Variants in DNAH6 observed in about 807,000 individuals in gnomAD.
The protein encoded by DNAH6 is axonemal beta dynein heavy chain 6.
Under a neutral mutation model 491.4 loss-of-function variants are expected in DNAH6, and 340 were observed. The observed-to-expected ratio is 0.69, with a 90% confidence interval of 0.63 to 0.76. The LOEUF (loss-of-function observed/expected upper bound fraction) is 0.76. Among genes scored for constraint, DNAH6 ranks in the 30% least tolerant of loss-of-function variants. The pLI is 0.00. For missense variants in DNAH6, 4,443 were observed against 4,972.2 expected, an observed-to-expected ratio of 0.89 and a Z score of 3.20; for synonymous variants, 1,603 against 1,686.1, an observed-to-expected ratio of 0.95 and a Z score of 1.21.
intron 48 of DNAH6, 137 bp downstream of exon 48, chr2:84,699,871 G>T: frequency 1.2e-6 from 1 of 805,614 alleles, no homozygotes; most frequent in South Asian, 2.7e-5. Flanking sequence ...TATAGAGAAT[G>T]ACCGTGACAA....
chr2:84,784,895 A>C, intron 66 of DNAH6, 85 bp downstream of exon 66: 3 of 955,620 alleles, frequency 3.1e-6, no homozygotes, highest in Non-Finnish European at 4.8e-6. Flanking sequence ...CAGAGCCTGC[A>C]CAGAAGCATG....
At chr2:84,641,847 G>A in intron 32 of DNAH6, 100 bp from the exon 33 acceptor site, 1 of 874,656 alleles carries the variant, frequency 1.1e-6, no homozygotes, top group Non-Finnish European at 1.7e-6. Context: ...CTTCTAACAG[G>A]AATCCTCAGG....
At position 84,693,667 on chromosome 2, in the gene DNAH6, C is replaced by T. The variant is rs145592664; in HGVS notation, c.7293-582C>T. Among the ~76,000 whole-genome samples, 141 of 146,466 alleles carry T rather than the reference C, an allele frequency of 9.6e-4. 2 individuals carry two copies. In the East Asian group the frequency reaches 0.027, roughly 28 times the overall value. ...CTGAGGCAGGCGTGAACCCAGGAGGCGGAGGTTGCAGCGAGCCGAGATCAC... is the reference window on the plus strand; with the variant it reads ...CTGAGGCAGGCGTGAACCCAGGAGGTGGAGGTTGCAGCGAGCCGAGATCAC... On this transcript the variant is annotated intron_variant, in intron 45 of 76. Coordinates refer to ENST00000389394, the MANE Select transcript of DNAH6 (RefSeq NM_001370.2).
chr2:84,611,925 T>A, intron 22 of DNAH6, 71 bp downstream of exon 22: 1 of 1,346,672 alleles, frequency 7.4e-7, no homozygotes, highest in Non-Finnish European at 1.0e-6. Flanking sequence ...AGTCCCAGAC[T>A]AAAATGTTTC....
the DNAH6 span, among the ~76,000 whole-genome samples, chr2:84,479,898 C>T: frequency 6.6e-6 from 1 of 152,254 alleles, no homozygotes; most frequent in Non-Finnish European, 1.5e-5. Context: ...TCTTCTTCAG[C>T]ATTTTCGTGG....
At chr2:84,726,658 G>A (rs575694286) in intron 60 of DNAH6, among the ~76,000 whole-genome samples, 1 of 151,980 alleles carries the variant, frequency 6.6e-6, no homozygotes, top group Admixed American at 6.6e-5. Context: ...AGCATTAGGA[G>A]ATATACCTAA....
intron 22 of DNAH6, among the ~76,000 whole-genome samples, chr2:84,614,382 G>A (rs1686630312): frequency 1.3e-5 from 2 of 151,870 alleles, no homozygotes; most frequent in African/African-American, 2.4e-5. Context: ...TTTTATGGCT[G>A]AGGTAGTATA....
rs182339006 is a variant in DNAH6, at chr2:84,665,477, C to T, written c.6085-3812C>T. On this transcript the variant is annotated intron_variant, in intron 37 of 76. Coordinates refer to ENST00000389394, the MANE Select transcript of DNAH6 (RefSeq NM_001370.2). ...TCAGAGAATACTATAAACACCTCTACACAAATAAACTAGAAGATCTAGAAG... is the reference window on the plus strand; with the variant it reads ...TCAGAGAATACTATAAACACCTCTATACAAATAAACTAGAAGATCTAGAAG... Among the ~76,000 whole-genome samples the T allele has an allele frequency of 2.5e-3, 381 of 152,236 alleles. 2 individuals carry two copies. The highest frequency in any genetic ancestry group is 3.2e-3 in the Non-Finnish European group (216 of 68,006).
intron 18 of DNAH6, among the ~76,000 whole-genome samples, chr2:84,596,788 C>T (rs80060267): frequency 0.041 from 6,164 of 152,114 alleles, 402 homozygotes; most frequent in African/African-American, 0.14. Context: ...CTTACAATAT[C>T]TAGTCAAAAC....
At chr2:84,772,310 A>G (rs1355362176) in intron 64 of DNAH6, among the ~76,000 whole-genome samples, 1 of 152,124 alleles carries the variant, frequency 6.6e-6, no homozygotes, top group Non-Finnish European at 1.5e-5. Context: ...AGGATATGAC[A>G]TGTAAAAAAA....
intron 49 of DNAH6, among the ~76,000 whole-genome samples, chr2:84,701,877 T>C (rs1695934926): frequency 6.6e-6 from 1 of 152,198 alleles, no homozygotes; most frequent in Non-Finnish European, 1.5e-5. Context: ...CATCATGACA[T>C]GTGCCCCTGA....
chr2:84,602,413 G>C (rs1199981401), intron 18 of DNAH6, among the ~76,000 whole-genome samples: 1 of 130,946 alleles, frequency 7.6e-6, no homozygotes, highest in East Asian at 2.3e-4. Flanking sequence ...TTCTTTTCTT[G>C]TTTGCATGAT....
At chr2:84,627,161 T>C (rs969294507) in intron 29 of DNAH6, among the ~76,000 whole-genome samples, 2 of 152,168 alleles carry the variant, frequency 1.3e-5, no homozygotes, top group African/African-American at 4.8e-5. Flanking sequence ...ACCTACTTAA[T>C]CAGAACTTTG....
In DNAH6 at chr2:84,524,210, C is replaced by CT. The variant is rs879620747; in HGVS notation, c.226-1343dup. Among the ~76,000 whole-genome samples, 294 of 142,022 alleles carry CT rather than the reference C, an allele frequency of 2.1e-3. 2 individuals are homozygous for CT. The highest frequency in any genetic ancestry group is 7.1e-3 in the Middle Eastern group (2 of 280). 93.2% of individuals were successfully genotyped at this position (142,022 alleles called of 152,430 possible). On this transcript the variant is annotated intron_variant, in intron 2 of 76. Transcript: ENST00000389394. ...ACCATTATGTAATGCCCTTTTTTGT[C>CT]TTTTTTTTTTTTAATTTTTGCTGGT...
intron 62 of DNAH6, among the ~76,000 whole-genome samples, chr2:84,743,765 T>A (rs1290950048): frequency 6.6e-6 from 1 of 152,162 alleles, no homozygotes; most frequent in African/African-American, 2.4e-5. Context: ...AAGGTTGCAG[T>A]GAGCCGAGAA....
chr2:84,561,711 C>T (rs573993681), intron 11 of DNAH6, among the ~76,000 whole-genome samples: 59 of 152,088 alleles, frequency 3.9e-4, no homozygotes, highest in African/African-American at 1.3e-3. Context: ...AACAAACAAC[C>T]CCATCAAAAA....
chr2:84,742,001 A>C (rs960175964), intron 62 of DNAH6, among the ~76,000 whole-genome samples: 1 of 152,168 alleles, frequency 6.6e-6, no homozygotes, highest in Non-Finnish European at 1.5e-5. Flanking sequence ...GCGCAAGCTA[A>C]CTTGAACCCT....
At position 84,703,930 on chromosome 2, in the gene DNAH6, T is replaced by C. The variant is rs1573542694; in HGVS notation, c.8230-137T>C. 5.9e-6 allele frequency: 4 copies of C among 675,718 alleles called. No homozygotes were observed. The East Asian group carries it at 1.1e-4, about 18-fold the overall frequency. The allele number at this position is 675,718 out of a possible 1,614,324, so 41.9% of individuals were successfully genotyped here. On this transcript the variant is annotated intron_variant, in intron 50 of 76. Transcript: ENST00000389394. ...TGGCATAGATGGACAAAGGAGAGCA[T>C]AAAATGCAATCTAGCTAATTCCCTT...
intron 63 of DNAH6, among the ~76,000 whole-genome samples, chr2:84,754,265 C>T (rs1190382665): frequency 6.6e-6 from 1 of 152,088 alleles, no homozygotes; most frequent in Non-Finnish European, 1.5e-5. Flanking sequence ...CTGCAACCTC[C>T]ACCTCCTGGG....
Sources: allele counts gnomAD v4.1 joint callset (sites outside exome capture counted in the v4.1 genomes callset), GRCh38; gene constraint gnomAD v4.1.1; transcripts MANE v1.5; gene names NCBI Gene and HGNC (gene_info 2026-07-23, HGNC 2026-07-21).